COL22A1: variants seen among roughly 807,000 people sequenced by gnomAD.
COL22A1 encodes collagen alpha-1(XXII) chain.
In COL22A1, 221 loss-of-function variants were observed where a neutral mutation model predicts 248.9. The observed-to-expected ratio is 0.89, with a 90% confidence interval of 0.80 to 0.99. The LOEUF (loss-of-function observed/expected upper bound fraction) is 0.99, where lower values mean the gene tolerates loss of function less well. Among genes scored for constraint, COL22A1 ranks in the 50% least tolerant of loss-of-function variants. The pLI is 0.00. For synonymous variants in COL22A1, 891 were observed against 793.4 expected (o/e 1.12, Z -2.07); for missense variants, 2,240 against 2,179.0 (o/e 1.03, Z -0.56).
chr8:138,593,251 A>T (rs1390238045), intron 63 of COL22A1, among the ~76,000 whole-genome samples: 1 of 152,074 alleles, frequency 6.6e-6, no homozygotes, highest in East Asian at 1.9e-4. Context: ...GGGCATTAGG[A>T]CAAATACCTA....
At chr8:138,628,126 T>C (rs994970350) in intron 50 of COL22A1, among the ~76,000 whole-genome samples, 1 of 152,108 alleles carries the variant, frequency 6.6e-6, no homozygotes, top group Admixed American at 6.5e-5. Flanking sequence ...GTTCTTTTTA[T>C]GTGACAGATG....
intron 3 of COL22A1, among the ~76,000 whole-genome samples, chr8:138,861,813 G>T (rs1255497164): frequency 6.6e-6 from 1 of 152,152 alleles, no homozygotes; most frequent in Non-Finnish European, 1.5e-5. Context: ...GGTGGAAGGG[G>T]ATGTACAGTT....
At chr8:138,870,697 A>T (rs534578961) in intron 3 of COL22A1, among the ~76,000 whole-genome samples, 5 of 151,738 alleles carry the variant, frequency 3.3e-5, no homozygotes, top group African/African-American at 1.2e-4. Context: ...TGTGGTGCAT[A>T]TCTATGTGGC....
At position 138,885,811 on chromosome 8, in the gene COL22A1, C is replaced by T. The variant is rs1216686015; in HGVS notation, c.-72-2567G>A. Among the ~76,000 whole-genome samples the T allele has an allele frequency of 2.0e-5, 3 of 152,326 alleles. No individual in the cohort carries two copies. The East Asian group carries it at 5.8e-4, about 29-fold the overall frequency. On this transcript the variant is annotated intron_variant, in intron 1 of 64. Transcript: ENST00000303045. Reference sequence around the variant, plus strand: ...CTCCCGACCTCAGTTGATCCGCCTGCCTCTGCCTCCCAAAGTAGTAGTATT... The same window carrying T: ...CTCCCGACCTCAGTTGATCCGCCTGTCTCTGCCTCCCAAAGTAGTAGTATT...
In COL22A1 at chr8:138,883,104, G is replaced by T; in HGVS notation, c.69C>A (p.Gly23=). The change falls in exon 2 of 65, where the codon GGC becomes GGA. Residue 23 remains glycine, a synonymous_variant. Coordinates refer to ENST00000303045, the MANE Select transcript of COL22A1 (RefSeq NM_152888.3). The part of the protein sequence containing the change: ...LWMLLLWSGG[G]GCQAQRAGCK... ...CACCTGCCCGCTGAGCCTGGCAGCC[G>T]CCGCCCCCACTCCACAGCAGCAGCA... 1 of 1,589,452 alleles carries T rather than the reference G, an allele frequency of 6.3e-7. No homozygotes were observed.
intron 41 of COL22A1, among the ~76,000 whole-genome samples, chr8:138,665,432 C>T (rs1462594115): frequency 3.9e-5 from 6 of 152,202 alleles, no homozygotes; most frequent in Non-Finnish European, 8.8e-5. Flanking sequence ...GAAGCTCACC[C>T]ATCTTTGTCT....
intron 44 of COL22A1, among the ~76,000 whole-genome samples, chr8:138,657,121 G>A (rs1291191118): frequency 6.6e-6 from 1 of 152,182 alleles, no homozygotes; most frequent in Admixed American, 6.5e-5. Context: ...GACTGGGGTT[G>A]AATTAAATCA....
chr8:138,593,554 C>T (rs77139479), intron 63 of COL22A1, among the ~76,000 whole-genome samples: 4,754 of 152,206 alleles, frequency 0.031, 132 homozygotes, highest in East Asian at 0.16. Context: ...ATATGGCCTC[C>T]GCCCTTTGAA....
intron 50 of COL22A1, among the ~76,000 whole-genome samples, chr8:138,630,201 A>G (rs1231095919): frequency 6.6e-6 from 1 of 152,064 alleles, no homozygotes; most frequent in Non-Finnish European, 1.5e-5. Flanking sequence ...TCAAATGCCA[A>G]CTCCACTGGT....
At chr8:138,687,284 A>T (rs146148315) in intron 37 of COL22A1, among the ~76,000 whole-genome samples, 5 of 152,182 alleles carry the variant, frequency 3.3e-5, no homozygotes. Flanking sequence ...GCCTATGATC[A>T]ACACTCCAAA....
At chr8:138,840,021 C>T (rs1200144424) in intron 4 of COL22A1, among the ~76,000 whole-genome samples, 1 of 152,118 alleles carries the variant, frequency 6.6e-6, no homozygotes, top group Non-Finnish European at 1.5e-5. Context: ...CAATCTCCTG[C>T]GTCTATTCTC....
intron 1 of COL22A1, among the ~76,000 whole-genome samples, chr8:138,889,602 T>G (rs1481092486): frequency 6.6e-6 from 1 of 152,134 alleles, no homozygotes; most frequent in South Asian, 2.1e-4. Flanking sequence ...TTAGGAGATA[T>G]ACCTAATGCT....
At chr8:138,772,186 G>T (rs1429127905) in intron 16 of COL22A1, among the ~76,000 whole-genome samples, 2 of 152,246 alleles carry the variant, frequency 1.3e-5, no homozygotes, top group African/African-American at 2.4e-5. Flanking sequence ...CTTGGTTCCT[G>T]CATCGTCTCT....
intron 35 of COL22A1, among the ~76,000 whole-genome samples, chr8:138,691,963 TGCATGTGTGGAG>T (rs1827007891): frequency 5.6e-5 from 7 of 124,790 alleles, no homozygotes; most frequent in South Asian, 2.7e-4. Context: ...TTTGTGGAGG[TGCATGTGTGGAG>T]GTGTGTGTAT....
At chr8:138,697,973 C>A (rs1318357574) in intron 32 of COL22A1, among the ~76,000 whole-genome samples, 1 of 152,210 alleles carries the variant, frequency 6.6e-6, no homozygotes, top group East Asian at 1.9e-4. Context: ...CAATGCAGAG[C>A]CTGCAGGAAG....
In COL22A1 at chr8:138,883,349, C is replaced by G. The variant is rs1250123189; in HGVS notation, c.-72-105G>C. The G allele has an allele frequency of 6.4e-6, 4 of 629,366 alleles. No homozygotes were observed. The East Asian group carries it at 8.5e-5, about 13-fold the overall frequency. 39.0% of individuals were successfully genotyped at this position (629,366 alleles called of 1,614,324 possible). ...GGATTCCCTACACCCAGCCTTCCAA[C>G]CCATCTTCCCTCCCGGATTCAACTC... On this transcript the variant is annotated intron_variant, in intron 1 of 64. Transcript: ENST00000303045.
At chr8:138,895,060 T>TA (rs35588853) in intron 1 of COL22A1, among the ~76,000 whole-genome samples, 106,807 of 139,438 alleles carry the variant, frequency 0.77, 41,394 homozygotes, top group East Asian at 0.93. Context: ...ACCTTTCTCT[T>TA]AAAAAAAAAA....
At chr8:138,720,395 T>A (rs1252518928) in intron 27 of COL22A1, among the ~76,000 whole-genome samples, 1 of 152,034 alleles carries the variant, frequency 6.6e-6, no homozygotes, top group Non-Finnish European at 1.5e-5. Context: ...ACGCTGATGA[T>A]ATTCTTCTTC....
chr8:138,598,643 T>G, intron 61 of COL22A1, 76 bp downstream of exon 61: 1 of 1,404,272 alleles, frequency 7.1e-7, no homozygotes, highest in South Asian at 1.4e-5. Flanking sequence ...CTGGTGCCTC[T>G]GAAGTCCACA....
Sources: allele counts gnomAD v4.1 joint callset (sites outside exome capture counted in the v4.1 genomes callset), GRCh38; gene constraint gnomAD v4.1.1; transcripts MANE v1.5; gene names NCBI Gene and HGNC (gene_info 2026-07-23, HGNC 2026-07-21).